The following OPRM1 variants were observed in gnomAD, a reference collection of about 807,000 sequenced individuals.
OPRM1 encodes mu-type opioid receptor.
In OPRM1, 27 loss-of-function variants were observed where a neutral mutation model predicts 31.8. The observed-to-expected ratio is 0.85, with a 90% confidence interval of 0.63 to 1.17. OPRM1 has a LOEUF of 1.17. Ranked by LOEUF, OPRM1 falls within the 50% of genes most tolerant of loss-of-function variation. The pLI is 0.00. For missense variants in OPRM1, 536 were observed against 511.1 expected, an observed-to-expected ratio of 1.05 and a Z score of -0.47; for synonymous variants, 196 against 189.9, an observed-to-expected ratio of 1.03 and a Z score of -0.26.
At chr6:154,175,180 G>C (rs745560093) in intron 3 of OPRM1, among the ~76,000 whole-genome samples, 2 of 152,210 alleles carry the variant, frequency 1.3e-5, no homozygotes, top group Non-Finnish European at 2.9e-5. Flanking sequence ...GCAGTGTTTA[G>C]AGGGAAATTT....
rs1164474786 is a variant in OPRM1, at chr6:154,123,811, A to C, written c.*5090A>C. Among the ~76,000 whole-genome samples the C allele has an allele frequency of 2.0e-5, 3 of 152,154 alleles. No individual in the cohort carries two copies. The highest frequency in any genetic ancestry group is 2.4e-5 in the African/African-American group (1 of 41,434). On this transcript the variant is annotated 3_prime_UTR_variant, in exon 4 of 4. Coordinates refer to ENST00000330432, the MANE Select transcript of OPRM1 (RefSeq NM_000914.5). ...TGCTAATGCAATATAATTAGTGTAT[A>C]ATGAGTAGTGAGGACAACCAGAGGT...
At chr6:154,174,432 C>A (rs548646066) in intron 3 of OPRM1, among the ~76,000 whole-genome samples, 1 of 151,924 alleles carries the variant, frequency 6.6e-6, no homozygotes, top group African/African-American at 2.4e-5. Context: ...ACCCATCTCA[C>A]GTGCAGAGAC....
At chr6:154,030,936 C>T (rs73788973) in intron 1 of OPRM1, among the ~76,000 whole-genome samples, 4,381 of 152,192 alleles carry the variant, frequency 0.029, 197 homozygotes, top group African/African-American at 0.1. Context: ...GTTACATTAG[C>T]ACTGCTCTCT....
intron 1 of OPRM1, among the ~76,000 whole-genome samples, chr6:154,021,761 G>A (rs1778385196): frequency 6.6e-6 from 1 of 152,058 alleles, no homozygotes; most frequent in Non-Finnish European, 1.5e-5. Flanking sequence ...ATTTGTTGCT[G>A]GCATATAGGA....
chr6:154,115,673 C>G (rs1796792313), intron 3 of OPRM1, among the ~76,000 whole-genome samples: 1 of 152,186 alleles, frequency 6.6e-6, no homozygotes, highest in Admixed American at 6.5e-5. Flanking sequence ...TTAAAGGAGT[C>G]TAAATCAGGA....
chr6:154,203,656 C>G (rs1777253135), intron 3 of OPRM1, among the ~76,000 whole-genome samples: 2 of 152,132 alleles, frequency 1.3e-5, no homozygotes, highest in South Asian at 2.1e-4. Flanking sequence ...ACTAAACCCC[C>G]ACAGATACCA....
intron 1 of OPRM1, among the ~76,000 whole-genome samples, chr6:154,077,222 A>C (rs1212542301): frequency 6.6e-6 from 1 of 152,022 alleles, no homozygotes; most frequent in Non-Finnish European, 1.5e-5. Flanking sequence ...GCTACAACAT[A>C]ATTTAATAGC....
chr6:154,106,395 G>A (rs1427315447), intron 3 of OPRM1, among the ~76,000 whole-genome samples: 1 of 152,226 alleles, frequency 6.6e-6, no homozygotes. Flanking sequence ...GTGCAGATAA[G>A]AGCTGGCTCT....
At chr6:154,245,977 C>A (rs1226373424) in intron 3 of OPRM1, among the ~76,000 whole-genome samples, 1 of 152,200 alleles carries the variant, frequency 6.6e-6, no homozygotes, top group East Asian at 1.9e-4. Context: ...AGGCAACTAT[C>A]TTTTCAAATG....
upstream of OPRM1, among the ~76,000 whole-genome samples, chr6:154,036,716 A>G (rs1053902057): frequency 6.6e-6 from 1 of 152,138 alleles, no homozygotes. Context: ...CATTAAAAAA[A>G]TCACCCAGAT....
At chr6:154,205,607 A>G (rs1583793541) in intron 3 of OPRM1, among the ~76,000 whole-genome samples, 1 of 152,316 alleles carries the variant, frequency 6.6e-6, no homozygotes, top group South Asian at 2.1e-4. Flanking sequence ...AAATAAAAAC[A>G]TACACACACA....
In OPRM1 at chr6:154,118,845, C is replaced by T. The variant is rs1583619209; in HGVS notation, c.*124C>T. The T allele has an allele frequency of 6.6e-7, 1 of 1,518,876 alleles. No individual in the cohort carries two copies. The allele number at this position is 1,518,876 out of a possible 1,614,324, so 94.1% of individuals were successfully genotyped here. A position where few individuals can be genotyped will look rare whatever the true frequency, so the allele number is the denominator to read the frequency against. ...GGAAAGTGCCTGCTTTTAGGTCATCCAACCTCTTTCCTCTCTGGCCACTCT... is the reference window on the plus strand; with the variant it reads ...GGAAAGTGCCTGCTTTTAGGTCATCTAACCTCTTTCCTCTCTGGCCACTCT... On this transcript the variant is annotated 3_prime_UTR_variant, in exon 4 of 4. Transcript: ENST00000330432.
intron 3 of OPRM1, among the ~76,000 whole-genome samples, chr6:154,189,157 A>C (rs1324421020): frequency 2.0e-5 from 3 of 152,268 alleles, no homozygotes; most frequent in African/African-American, 7.2e-5. Flanking sequence ...TATGGGTAAA[A>C]GAGTGAAATA....
chr6:154,083,611 G>C (rs925755904), intron 1 of OPRM1: 1 of 152,402 alleles, frequency 6.6e-6, no homozygotes, highest in Non-Finnish European at 1.5e-5. Flanking sequence ...ACAAAAGAGC[G>C]AGAGGATGTG....
At chr6:154,178,231 A>G (rs1374993325) in intron 3 of OPRM1, among the ~76,000 whole-genome samples, 1 of 152,222 alleles carries the variant, frequency 6.6e-6, no homozygotes, top group Non-Finnish European at 1.5e-5. Context: ...TGGCACATGT[A>G]TACCTATGTA....
chr6:154,084,084 C>G (rs944102640), intron 1 of OPRM1, among the ~76,000 whole-genome samples: 3 of 151,830 alleles, frequency 2.0e-5, no homozygotes, highest in Admixed American at 6.6e-5. Context: ...TCCCCGTCTT[C>G]TCTTTTTGAG....
intron 3 of OPRM1, among the ~76,000 whole-genome samples, chr6:154,239,213 G>A (rs1038010316): frequency 1.3e-5 from 2 of 152,158 alleles, no homozygotes; most frequent in South Asian, 4.1e-4. Flanking sequence ...TTGGCAACAT[G>A]AGCAATTGTT....
At chr6:154,118,005 A>G (rs2128524195) in intron 3 of OPRM1, among the ~76,000 whole-genome samples, 1 of 152,212 alleles carries the variant, frequency 6.6e-6, no homozygotes, top group South Asian at 2.1e-4. Context: ...CTATACAAAC[A>G]TCTCCTTTTC....
chr6:154,159,912 A>T, intron 3 of OPRM1: 1 of 1,613,888 alleles, frequency 6.2e-7, no homozygotes, highest in African/African-American at 1.3e-5. Context: ...GGGCAGGCGA[A>T]GCCCGCTGCT....
Sources: gnomAD v4.1 joint callset for allele counts (sites outside exome capture counted in the v4.1 genomes callset) on GRCh38, gnomAD v4.1.1 for gene constraint, MANE v1.5 for transcripts, NCBI Gene and HGNC (gene_info 2026-07-23, HGNC 2026-07-21) for gene names.